ANO5: variants seen among roughly 807,000 people sequenced by gnomAD.
ANO5 encodes the protein anoctamin-5.
Under a neutral mutation model 121.0 loss-of-function variants are expected in ANO5, and 109 were observed. The observed-to-expected ratio is 0.90, with a 90% CI of 0.77 to 1.06. The LOEUF (loss-of-function observed/expected upper bound fraction) is 1.06, where lower values mean the gene tolerates loss of function less well. Among genes scored for constraint, ANO5 ranks in the 50% least tolerant of loss-of-function variants. ANO5 has a pLI of 0.00. For missense variants in ANO5, 1,064 were observed against 1,078.5 expected, an observed-to-expected ratio of 0.99 and a Z score of 0.19; for synonymous variants, 406 against 359.9, an observed-to-expected ratio of 1.13 and a Z score of -1.45.
At chr11:22,196,718 A>G (rs1211711665) in intron 1 of ANO5, among the ~76,000 whole-genome samples, 1 of 152,084 alleles carries the variant, frequency 6.6e-6, no homozygotes, top group Non-Finnish European at 1.5e-5. Context: ...AAAATACAAA[A>G]ATTAGCTGGG....
intron 1 of ANO5, among the ~76,000 whole-genome samples, chr11:22,194,906 A>T (rs1256653203): frequency 6.6e-6 from 1 of 152,202 alleles, no homozygotes; most frequent in Non-Finnish European, 1.5e-5. Flanking sequence ...TTGATGTATC[A>T]GTTTTCATAT....
intron 19 of ANO5, among the ~76,000 whole-genome samples, chr11:22,273,992 T>C (rs1326632620): frequency 6.6e-6 from 1 of 152,090 alleles, no homozygotes; most frequent in Non-Finnish European, 1.5e-5. Flanking sequence ...TGGTTTTTAA[T>C]TGACTTATCT....
At chr11:22,211,816 A>G (rs1232793023) in intron 3 of ANO5, among the ~76,000 whole-genome samples, 1 of 151,950 alleles carries the variant, frequency 6.6e-6, no homozygotes, top group African/African-American at 2.4e-5. Flanking sequence ...CTAGCAAGTA[A>G]AAAATGCCTT....
intron 15 of ANO5, among the ~76,000 whole-genome samples, chr11:22,259,988 C>T (rs1214197097): frequency 2.0e-5 from 3 of 149,924 alleles, no homozygotes; most frequent in South Asian, 2.1e-4. Flanking sequence ...ATATCTTTCT[C>T]AGTATCCTTG....
intron 17 of ANO5, among the ~76,000 whole-genome samples, chr11:22,267,508 TTA>T (rs567878499): frequency 1.8e-4 from 23 of 126,014 alleles, no homozygotes; most frequent in Non-Finnish European, 1.5e-4. Context: ...ATATCTACAA[TTA>T]TATATATATA....
At chr11:22,255,560 A>G (rs376909306) in intron 13 of ANO5, 38 bp downstream of exon 13, 4 of 1,603,592 alleles carry the variant, frequency 2.5e-6, no homozygotes, top group East Asian at 2.2e-5. Flanking sequence ...GCATATCTCA[A>G]TGGACACACT....
chr11:22,266,732 T>A (rs984187111), intron 17 of ANO5, among the ~76,000 whole-genome samples: 7 of 152,238 alleles, frequency 4.6e-5, no homozygotes, highest in Non-Finnish European at 8.8e-5. Flanking sequence ...TATCTTTTTA[T>A]TTTTTAATAA....
At chr11:22,232,205 C>T (rs1188534488) in intron 7 of ANO5, among the ~76,000 whole-genome samples, 2 of 151,900 alleles carry the variant, frequency 1.3e-5, no homozygotes, top group Non-Finnish European at 2.9e-5. Context: ...AACTTTTGTT[C>T]ATTCATTCTT....
intron 15 of ANO5, among the ~76,000 whole-genome samples, chr11:22,260,860 ATAATT>A (rs1854165563): frequency 6.6e-6 from 1 of 152,226 alleles, no homozygotes; most frequent in Admixed American, 6.5e-5. Flanking sequence ...CAGGGTGAAG[ATAATT>A]TAATATTTTG....
At chr11:22,271,838 T>A (rs1252478201) in intron 18 of ANO5, among the ~76,000 whole-genome samples, 1 of 152,190 alleles carries the variant, frequency 6.6e-6, no homozygotes, top group Non-Finnish European at 1.5e-5. Flanking sequence ...AGAAAGTTCA[T>A]GCTGCTTCTA....
At position 22,272,876 on chromosome 11, in the gene ANO5, G is replaced by A. The variant is rs1564951239; in HGVS notation, c.2122G>A (p.Asp708Asn). 2 of 1,614,024 alleles carry A rather than the reference G, an allele frequency of 1.2e-6. No individual in the cohort carries two copies. The highest frequency in any genetic ancestry group is 3.3e-5 in the Admixed American group (2 of 59,994). Residue 708 changes from aspartate to asparagine, a missense_variant, in exon 19 of 22, where the codon GAT becomes AAT. Transcript: ENST00000324559. The stretch of plus-strand genomic sequence containing the variant: ...AAATAATATTGTAGAGATTCGAGTG[G>A]ATGCCTGGAAACTTACCACTCAATA... ...LINNIVEIRV[D>N]AWKLTTQYRR...
At chr11:22,228,225 T>G (rs1482859886) in intron 7 of ANO5, among the ~76,000 whole-genome samples, 1 of 152,052 alleles carries the variant, frequency 6.6e-6, no homozygotes, top group African/African-American at 2.4e-5. Flanking sequence ...AGTTCAGACA[T>G]AAAGAGCTTT....
At chr11:22,254,349 T>G (rs1031503611) in intron 12 of ANO5, among the ~76,000 whole-genome samples, 19 of 152,182 alleles carry the variant, frequency 1.2e-4, no homozygotes, top group Non-Finnish European at 8.8e-5. Flanking sequence ...GAGTTAATAT[T>G]GGAGGTGTTA....
chr11:22,233,821 T>C (rs1853122440), intron 7 of ANO5, among the ~76,000 whole-genome samples: 1 of 148,028 alleles, frequency 6.8e-6, no homozygotes, highest in Non-Finnish European at 1.5e-5. Context: ...GTTGTTGTTG[T>C]TCAGCCCACC....
chr11:22,234,875 C>T (rs1432713199), intron 7 of ANO5, among the ~76,000 whole-genome samples: 2 of 152,094 alleles, frequency 1.3e-5, no homozygotes, highest in Non-Finnish European at 2.9e-5. Context: ...GTTGACCTGA[C>T]TTGACCAAAC....
Position 22,225,973 on chromosome 11 carries a change from T to C in ANO5, c.295-11T>C. ...ATTCTGCATAATTCTGTTGATTTTT[T>C]TTTGTCATAGGAAAGAAGAAAAGAG... On this transcript the variant is annotated splice_polypyrimidine_tract_variant and intron_variant, in intron 5 of 21. Transcript: ENST00000324559. 1 of 1,590,898 alleles carries C rather than the reference T, an allele frequency of 6.3e-7. No homozygotes were observed. The highest frequency in any genetic ancestry group is 8.6e-7 in the Non-Finnish European group (1 of 1,159,802).
chr11:22,208,514 A>G (rs930566530), intron 2 of ANO5, among the ~76,000 whole-genome samples: 3 of 152,034 alleles, frequency 2.0e-5, no homozygotes, highest in African/African-American at 7.2e-5. Flanking sequence ...TCTAAGGGAC[A>G]TGGATGTTGA....
intron 17 of ANO5, among the ~76,000 whole-genome samples, chr11:22,268,237 G>C (rs1854440702): frequency 6.6e-6 from 1 of 151,192 alleles, no homozygotes; most frequent in Admixed American, 6.6e-5. Flanking sequence ...CTTTTTCATT[G>C]AAATTATATT....
In ANO5 at chr11:22,278,530, CTT is replaced by C. The variant is rs552412650; in HGVS notation, c.2521-1000_2521-999del. On this transcript the variant is annotated intron_variant, in intron 21 of 21. Coordinates refer to ENST00000324559, the MANE Select transcript of ANO5 (RefSeq NM_213599.3). ...CCTTTCCTTATATCTGGTTCTTTTC[CTT>C]TTTTTTTTTTTTTCCATGTCAGAGA... Among the ~76,000 whole-genome samples the C allele has an allele frequency of 1.3e-3, 180 of 134,692 alleles. 1 individual carries two copies. Among genetic ancestry groups the C allele is most frequent in the African/African-American group, 4.3e-3 (162 of 37,320 alleles). The allele number at this position is 134,692 out of a possible 152,430, so 88.4% of individuals were successfully genotyped here. A position where few individuals can be genotyped will look rare whatever the true frequency, so the allele number is the denominator to read the frequency against.
Sources: gnomAD v4.1 joint callset for allele counts (sites outside exome capture counted in the v4.1 genomes callset) on GRCh38, gnomAD v4.1.1 for gene constraint, MANE v1.5 for transcripts, NCBI Gene and HGNC (gene_info 2026-07-23, HGNC 2026-07-21) for gene names.